MAPK14: variants seen among roughly 807,000 people sequenced by gnomAD.
MAPK14 encodes the protein CSAID-binding protein.
MAPK14 carries 16 observed loss-of-function variants against 49.6 expected under a neutral mutation model. The observed-to-expected ratio is 0.32, with a 90% CI of 0.22 to 0.49. The LOEUF (loss-of-function observed/expected upper bound fraction) is 0.49. MAPK14 is among the 20% of genes least tolerant of loss of function. The pLI is 0.99. For missense variants in MAPK14, 200 were observed against 441.2 expected (o/e 0.45, Z 4.90); for synonymous variants, 142 against 158.0 (o/e 0.90, Z 0.76).
At chr6:36,052,527 A>G (rs966081427) in intron 1 of MAPK14, among the ~76,000 whole-genome samples, 172 bp from the exon 2 acceptor site, 1 of 152,164 alleles carries the variant, frequency 6.6e-6, no homozygotes, top group Non-Finnish European at 1.5e-5. Context: ...AAAAATAATA[A>G]CAGAAGCTTT....
chr6:36,065,174 T>C (rs1159179844), intron 3 of MAPK14, among the ~76,000 whole-genome samples: 1 of 152,232 alleles, frequency 6.6e-6, no homozygotes, highest in Non-Finnish European at 1.5e-5. Context: ...CCTGCTTTGT[T>C]CTTAGCAAAT....
At chr6:36,114,845 G>A (rs534150221), downstream of MAPK14, among the ~76,000 whole-genome samples, 1 of 152,292 alleles carries the variant, frequency 6.6e-6, no homozygotes, top group Admixed American at 6.5e-5. Flanking sequence ...CTGGGGGTAT[G>A]ACTACAAGAT....
At chr6:36,088,569 A>G (rs1446109480) in intron 8 of MAPK14, among the ~76,000 whole-genome samples, 1 of 152,042 alleles carries the variant, frequency 6.6e-6, no homozygotes, top group African/African-American at 2.4e-5. Context: ...AAAAATGCAA[A>G]AAATTAGCCA....
At chr6:36,057,323 T>G (rs965014670) in intron 2 of MAPK14, among the ~76,000 whole-genome samples, 4 of 152,234 alleles carry the variant, frequency 2.6e-5, no homozygotes, top group Admixed American at 1.3e-4. Flanking sequence ...ATTTAATTTA[T>G]GTACATCAGA....
chr6:36,052,720 G>A lies in MAPK14; in HGVS notation c.138G>A (p.Thr46=), dbSNP rs368105032. 12 of 1,607,464 alleles carry A rather than the reference G, an allele frequency of 7.5e-6. No homozygotes were observed. In the East Asian group the frequency reaches 2.0e-4, roughly 27 times the overall value. The change falls in exon 2 of 12, where the codon ACG becomes ACA. Residue 46 remains threonine (T), a synonymous_variant. Transcript: ENST00000229794. ...TTAGTGCTGCTTTTGACACAAAAACGGGGTTACGTGTGGCAGTGAAGAAGC... is the reference window on the plus strand; with the variant it reads ...TTAGTGCTGCTTTTGACACAAAAACAGGGTTACGTGTGGCAGTGAAGAAGC... The part of the protein sequence containing the change: ...GSVCAAFDTK[T]GLRVAVKKLS...
chr6:36,077,378 A>G (rs996243935), intron 8 of MAPK14, among the ~76,000 whole-genome samples: 4 of 151,216 alleles, frequency 2.6e-5, no homozygotes, highest in Non-Finnish European at 5.9e-5. Context: ...AGTTTTGGGG[A>G]TTTTTTCTTT....
chr6:36,064,278 C>CG (rs1554181542), intron 3 of MAPK14, among the ~76,000 whole-genome samples: 1 of 126,550 alleles, frequency 7.9e-6, no homozygotes, highest in African/African-American at 2.8e-5. Context: ...ATGCCCCCCC[C>CG]CACCCCTTTT....
Position 36,072,785 on chromosome 6 carries a change from A to G in MAPK14, c.306-88A>G, listed in dbSNP as rs1354928624. 4 of 766,052 alleles carry G rather than the reference A, an allele frequency of 5.2e-6. No individual in the cohort carries two copies. In the Admixed American group the frequency reaches 1.1e-4, roughly 22 times the overall value. 47.5% of individuals were successfully genotyped at this position (766,052 alleles called of 1,614,324 possible). The stretch of plus-strand genomic sequence containing the variant: ...TTTCAAAAACAAAAACAAAAACCAA[A>G]AAAACCAAAAAACTTATAAAAGTCT... On this transcript the variant is annotated intron_variant, in intron 3 of 11. Transcript: ENST00000229794.
chr6:36,089,231 G>A (rs1765119366), intron 8 of MAPK14, among the ~76,000 whole-genome samples: 1 of 152,176 alleles, frequency 6.6e-6, no homozygotes, highest in Admixed American at 6.5e-5. Context: ...CCATAAAAAT[G>A]AATGAGATTG....
chr6:36,082,176 A>T (rs1220972655), intron 8 of MAPK14, among the ~76,000 whole-genome samples: 1 of 152,224 alleles, frequency 6.6e-6, no homozygotes, highest in Non-Finnish European at 1.5e-5. Flanking sequence ...AAACAGAGAT[A>T]GTTTTATTTC....
downstream of MAPK14, among the ~76,000 whole-genome samples, chr6:36,113,472 A>G (rs1462976303): frequency 6.6e-6 from 1 of 152,184 alleles, no homozygotes; most frequent in Non-Finnish European, 1.5e-5. Flanking sequence ...TGATTGAATA[A>G]GATGGTCATC....
intron 2 of MAPK14, among the ~76,000 whole-genome samples, chr6:36,056,362 CA>C (rs1763588743): frequency 6.6e-6 from 1 of 152,168 alleles, no homozygotes; most frequent in African/African-American, 2.4e-5. Context: ...ATGATGTCCT[CA>C]TGTTTTTCAT....
rs968315791 is a variant in MAPK14 at position 36,107,059 on chromosome 6, T to C, written c.842-396T>C. 2.6e-5 allele frequency among the ~76,000 whole-genome samples: 4 copies of C among 152,178 alleles called. No individual in the cohort carries two copies. The highest frequency in any genetic ancestry group is 5.9e-5 in the Non-Finnish European group (4 of 68,040). ...TCCCAGTCATTTAAAAAAATTCTTC[T>C]TTAGTAACATATTCTTTAAAAATAC... On this transcript the variant is annotated intron_variant, in intron 10 of 11. Coordinates refer to ENST00000229794, the MANE Select transcript of MAPK14 (RefSeq NM_139012.3). The surrounding 1 kb of genome is among the most constrained non-coding windows in gnomAD (Gnocchi z 4.3).
chr6:36,045,734 G>A (rs113885326), intron 1 of MAPK14, among the ~76,000 whole-genome samples: 20 of 150,504 alleles, frequency 1.3e-4, no homozygotes, highest in East Asian at 3.9e-4. Context: ...GCGTGAACCC[G>A]GGAGGCGGTG....
intron 1 of MAPK14, among the ~76,000 whole-genome samples, chr6:36,036,248 T>A (rs1581729136): frequency 6.2e-5 from 4 of 64,436 alleles, no homozygotes; most frequent in African/African-American, 1.0e-4. Context: ...AGAGCAAGAG[T>A]ACATCTCAAA....
chr6:36,118,056 G>GA, the MAPK14 span, among the ~76,000 whole-genome samples: 3 of 152,248 alleles, frequency 2.0e-5, no homozygotes, highest in Non-Finnish European at 4.4e-5. Flanking sequence ...CGTGTTAGAA[G>GA]AATTGGCTTC....
At chr6:36,070,340 T>G (rs1764220366) in intron 3 of MAPK14, among the ~76,000 whole-genome samples, 1 of 152,214 alleles carries the variant, frequency 6.6e-6, no homozygotes, top group Non-Finnish European at 1.5e-5. Context: ...CTCCTGACAT[T>G]ACTACTCTTT....
intron 1 of MAPK14, among the ~76,000 whole-genome samples, chr6:36,043,139 A>T (rs934878557): frequency 6.6e-6 from 1 of 152,284 alleles, no homozygotes; most frequent in African/African-American, 2.4e-5. Context: ...AAAAAATTAA[A>T]AATGAAAGTA....
chr6:36,119,073 A>G, the MAPK14 span, among the ~76,000 whole-genome samples: 2 of 152,244 alleles, frequency 1.3e-5, no homozygotes, highest in Middle Eastern at 3.2e-3. Context: ...CACTACCTGG[A>G]AATAATAGCT....
Sources: gnomAD v4.1 joint callset for allele counts (sites outside exome capture counted in the v4.1 genomes callset) on GRCh38, gnomAD v4.1.1 for gene constraint, Gnocchi (gnomAD v3.1) non-coding constraint, MANE v1.5 for transcripts, NCBI Gene and HGNC (gene_info 2026-07-23, HGNC 2026-07-21) for gene names.